The following ROR1 variants were observed in gnomAD, a reference collection of about 807,000 sequenced individuals.
ROR1 encodes inactive tyrosine-protein kinase transmembrane receptor ROR1.
In ROR1, 19 loss-of-function variants were observed where a neutral mutation model predicts 78.8. The ratio of observed to expected loss-of-function variants is 0.24; its 90% CI spans 0.17 to 0.35. The LOEUF is 0.35. Ranked by LOEUF, ROR1 falls within the 10% of genes least tolerant of loss-of-function variation. The pLI, the probability that ROR1 is intolerant of heterozygous loss-of-function variation, is 1.00. For synonymous variants in ROR1, 386 were observed against 433.6 expected, an observed-to-expected ratio of 0.89 and a Z score of 1.36; for missense variants, 917 against 1,177.8, an observed-to-expected ratio of 0.78 and a Z score of 3.24.
chr1:63,785,497 T>TTA (rs1644678450), intron 1 of ROR1, among the ~76,000 whole-genome samples: 1 of 147,624 alleles, frequency 6.8e-6, no homozygotes. Flanking sequence ...TATATATATA[T>TTA]TTTATTTATT....
intron 1 of ROR1, among the ~76,000 whole-genome samples, chr1:63,923,840 C>T (rs1006297255): frequency 6.6e-6 from 1 of 151,924 alleles, no homozygotes; most frequent in Non-Finnish European, 1.5e-5. Context: ...CCACTGGATG[C>T]CCCTCGATAC....
At chr1:64,081,512 C>G (rs1647100868) in intron 4 of ROR1, among the ~76,000 whole-genome samples, 1 of 152,022 alleles carries the variant, frequency 6.6e-6, no homozygotes, top group African/African-American at 2.4e-5. Context: ...CTTGGTGGCT[C>G]ACACCTATAA....
chr1:63,934,062 T>G (rs900438682), intron 1 of ROR1, among the ~76,000 whole-genome samples: 1 of 152,054 alleles, frequency 6.6e-6, no homozygotes, highest in Admixed American at 6.6e-5. Context: ...GTTTGGGTTG[T>G]TGGTGGTGGT....
chr1:64,157,160 C>G (rs12734289), intron 7 of ROR1, among the ~76,000 whole-genome samples: 32,950 of 152,010 alleles, frequency 0.22, 3,762 homozygotes, highest in Non-Finnish European at 0.24. Flanking sequence ...TTTTTTGAGA[C>G]AAGGTCTCAC....
chr1:63,990,057 C>G (rs1646283122), intron 1 of ROR1, among the ~76,000 whole-genome samples: 1 of 152,214 alleles, frequency 6.6e-6, no homozygotes, highest in East Asian at 1.9e-4. Context: ...AGACCAAGGA[C>G]TACCTGTTCC....
Position 64,166,299 on chromosome 1 carries a change from A to T in ROR1, c.1386+7107A>T, listed in dbSNP as rs150222396. ...GTAGTATAGTTTGAAGTCAGCTAGCATGATGCCTCCAGCTTTGTTCTTTTT... is the reference window on the plus strand; with the variant it reads ...GTAGTATAGTTTGAAGTCAGCTAGCTTGATGCCTCCAGCTTTGTTCTTTTT... On this transcript the variant is annotated intron_variant, in intron 8 of 8. Coordinates refer to ENST00000371079, the MANE Select transcript of ROR1 (RefSeq NM_005012.4). 5.3e-3 allele frequency among the ~76,000 whole-genome samples: 808 copies of T among 152,294 alleles called. 9 individuals are homozygous for T. The highest frequency in any genetic ancestry group is 0.017 in the African/African-American group (714 of 41,570).
At chr1:64,111,732 G>A (rs1258421483) in intron 4 of ROR1, among the ~76,000 whole-genome samples, 1 of 152,158 alleles carries the variant, frequency 6.6e-6, no homozygotes, top group East Asian at 1.9e-4. Context: ...CACATAGAGG[G>A]AAAAAGTGGA....
chr1:64,093,865 C>T (rs753856144), intron 4 of ROR1, among the ~76,000 whole-genome samples: 7 of 152,118 alleles, frequency 4.6e-5, no homozygotes, highest in Non-Finnish European at 1.0e-4. Flanking sequence ...AATTATGTAC[C>T]AGTGTGCTCA....
intron 1 of ROR1, among the ~76,000 whole-genome samples, chr1:63,822,598 T>C (rs760764933): frequency 1.6e-4 from 25 of 152,198 alleles, no homozygotes; most frequent in Non-Finnish European, 2.9e-4. Flanking sequence ...AAAAATGAGT[T>C]TAATTCTCTT....
At chr1:64,110,813 TA>T (rs1648063042) in intron 4 of ROR1, 1 of 151,910 alleles carries the variant, frequency 6.6e-6, no homozygotes, top group South Asian at 2.1e-4. Flanking sequence ...GGTAGGAAAT[TA>T]AGGGACTCTG....
intron 1 of ROR1, among the ~76,000 whole-genome samples, chr1:63,786,003 C>A (rs2100228176): frequency 6.6e-6 from 1 of 152,192 alleles, no homozygotes; most frequent in Non-Finnish European, 1.5e-5. Flanking sequence ...CAGGGCCTCC[C>A]AGGGGACACG....
At chr1:63,854,702 G>A (rs967745033) in intron 1 of ROR1, among the ~76,000 whole-genome samples, 3 of 152,182 alleles carry the variant, frequency 2.0e-5, no homozygotes, top group African/African-American at 7.2e-5. Context: ...GGCACATACA[G>A]ATTGCTCACT....
At chr1:64,014,846 A>G (rs1471425664) in intron 2 of ROR1, among the ~76,000 whole-genome samples, 1 of 142,194 alleles carries the variant, frequency 7.0e-6, no homozygotes, top group Non-Finnish European at 1.5e-5. Context: ...GGAAGTGTGC[A>G]GTGTGGGTCT....
chr1:64,059,708 T>TAAAA (rs75359961), intron 4 of ROR1, among the ~76,000 whole-genome samples: 4 of 130,848 alleles, frequency 3.1e-5, no homozygotes, highest in Non-Finnish European at 4.8e-5. Flanking sequence ...GACTCCATCT[T>TAAAA]AAAAAAAAAA....
chr1:63,961,124 C>T (rs1163616424), intron 1 of ROR1, among the ~76,000 whole-genome samples: 1 of 151,342 alleles, frequency 6.6e-6, no homozygotes, highest in Non-Finnish European at 1.5e-5. Context: ...TTTGACATTC[C>T]CTCTTTTTTT....
intron 1 of ROR1, among the ~76,000 whole-genome samples, chr1:63,903,191 T>C (rs1645499836): frequency 6.6e-6 from 1 of 152,332 alleles, no homozygotes; most frequent in East Asian, 1.9e-4. Context: ...AGGAGTCTAC[T>C]AATCTCTGCC....
intron 4 of ROR1, among the ~76,000 whole-genome samples, chr1:64,082,686 C>A (rs553802116): frequency 6.6e-6 from 1 of 152,238 alleles, no homozygotes; most frequent in Non-Finnish European, 1.5e-5. Context: ...TCTGCCCATG[C>A]GAGCCTCCTC....
chr1:64,027,382 T>C (rs1216253051), intron 2 of ROR1, among the ~76,000 whole-genome samples: 1 of 152,236 alleles, frequency 6.6e-6, no homozygotes, highest in Non-Finnish European at 1.5e-5. Context: ...TATGCTTTTA[T>C]TTCTCAACCT....
intron 4 of ROR1, among the ~76,000 whole-genome samples, chr1:64,060,602 A>G (rs770365923): frequency 2.6e-5 from 4 of 152,162 alleles, no homozygotes; most frequent in Non-Finnish European, 4.4e-5. Flanking sequence ...AACTTTCAAC[A>G]CGGCTACTCA....
Sources: gnomAD v4.1 joint callset for allele counts (sites outside exome capture counted in the v4.1 genomes callset) on GRCh38, gnomAD v4.1.1 for gene constraint, MANE v1.5 for transcripts, NCBI Gene and HGNC (gene_info 2026-07-23, HGNC 2026-07-21) for gene names.